MRPL45: variants seen among roughly 807,000 people sequenced by gnomAD.
MRPL45 encodes mitochondrial ribosomal protein L45.
Under a neutral mutation model 38.1 loss-of-function variants are expected in MRPL45, and 20 were observed. The observed-to-expected ratio is 0.53, with a 90% confidence interval of 0.37 to 0.76. The LOEUF is 0.76. Among genes scored for constraint, MRPL45 ranks in the 30% least tolerant of loss-of-function variants. The pLI is 0.00. For missense variants in MRPL45, 337 were observed against 395.6 expected (o/e 0.85, Z 1.26); for synonymous variants, 105 against 128.8 (o/e 0.82, Z 1.25).
intron 4 of MRPL45, among the ~76,000 whole-genome samples, chr17:38,312,393 T>C (rs2037121739): frequency 6.6e-6 from 1 of 152,170 alleles, no homozygotes; most frequent in Non-Finnish European, 1.5e-5. Context: ...TGTATGTATA[T>C]ACACCACATT....
chr17:38,317,592 G>A (rs922717330), intron 4 of MRPL45, among the ~76,000 whole-genome samples: 4 of 151,508 alleles, frequency 2.6e-5, no homozygotes, highest in Non-Finnish European at 1.5e-5. Flanking sequence ...TTTTTTTTGA[G>A]ACGGAATCTC....
intron 6 of MRPL45, among the ~76,000 whole-genome samples, chr17:38,321,110 G>A (rs1258502671): frequency 6.6e-6 from 1 of 152,036 alleles, no homozygotes; most frequent in African/African-American, 2.4e-5. Flanking sequence ...CAAGTAGCTG[G>A]GACTACAGGG....
intron 4 of MRPL45, among the ~76,000 whole-genome samples, chr17:38,313,333 C>CGTATATATATATATATATACGT (rs1230995888): frequency 2.9e-4 from 5 of 17,254 alleles, no homozygotes; most frequent in Non-Finnish European, 4.2e-4. Flanking sequence ...TATATATATA[C>CGTATATATATATATATATACGT]ATATATATAT....
chr17:38,322,007 G>C, intron 6 of MRPL45, 119 bp from the exon 7 acceptor site: 3 of 1,033,058 alleles, frequency 2.9e-6, no homozygotes, highest in Non-Finnish European at 4.3e-6. Context: ...ACTCCAGCCA[G>C]GGCAACAGAG....
At chr17:38,321,732 A>G (rs2037231490) in intron 6 of MRPL45, among the ~76,000 whole-genome samples, 1 of 151,072 alleles carries the variant, frequency 6.6e-6, no homozygotes, top group African/African-American at 2.4e-5. Flanking sequence ...GGTGGTTTCA[A>G]AAATGGTTGT....
chr17:38,320,822 C>T, intron 6 of MRPL45, 55 bp downstream of exon 6: 2 of 1,586,634 alleles, frequency 1.3e-6, no homozygotes, highest in Admixed American at 1.7e-5. Context: ...AGCTTGGGCA[C>T]CTCCCTCTGG....
At chr17:38,308,649 A>G (rs966528199) in intron 4 of MRPL45, among the ~76,000 whole-genome samples, 2 of 151,546 alleles carry the variant, frequency 1.3e-5, no homozygotes, top group Non-Finnish European at 2.9e-5. Context: ...CATGTTGGCC[A>G]GGCTGGTCTT....
At chr17:38,318,150 G>A (rs1398523899) in intron 4 of MRPL45, among the ~76,000 whole-genome samples, 1 of 142,812 alleles carries the variant, frequency 7.0e-6, no homozygotes, top group Non-Finnish European at 1.5e-5. Context: ...GGAGGTTGCA[G>A]TGAGCCGAGA....
chr17:38,315,728 C>T (rs1397852818), intron 4 of MRPL45, among the ~76,000 whole-genome samples: 4 of 150,224 alleles, frequency 2.7e-5, no homozygotes, highest in Non-Finnish European at 5.9e-5. Flanking sequence ...TGTCTGCAGC[C>T]ATTATTTCTT....
At chr17:38,322,065 AAAC>A (rs1316430807) in intron 6 of MRPL45, 58 bp from the exon 7 acceptor site, 2 of 1,546,034 alleles carry the variant, frequency 1.3e-6, no homozygotes, top group Non-Finnish European at 8.8e-7. Context: ...GCAATAAAAC[AAAC>A]AACTCACACT....
chr17:38,319,744 G>A (rs1430421930), intron 5 of MRPL45, among the ~76,000 whole-genome samples: 1 of 152,198 alleles, frequency 6.6e-6, no homozygotes, highest in Non-Finnish European at 1.5e-5. Flanking sequence ...GTGGTAACAG[G>A]AGTGTGAAGC....
intron 5 of MRPL45, 39 bp downstream of exon 5, chr17:38,318,774 G>A (rs749990775): frequency 2.1e-6 from 3 of 1,429,590 alleles, no homozygotes; most frequent in Non-Finnish European, 3.0e-6. Flanking sequence ...GGGTGACTGA[G>A]TGGGCAGATT....
intron 3 of MRPL45, among the ~76,000 whole-genome samples, chr17:38,302,498 A>G (rs1346020594): frequency 2.1e-5 from 3 of 146,050 alleles, no homozygotes; most frequent in African/African-American, 7.8e-5. Flanking sequence ...AAAAAAAAAA[A>G]AAAAAAAGTT....
chr17:38,322,573 C>T lies in MRPL45; in HGVS notation c.899C>T (p.Ala300Val). The T allele has an allele frequency of 6.2e-7, 1 of 1,613,144 alleles. No individual in the cohort carries two copies. The highest frequency in any genetic ancestry group is 8.5e-7 in the Non-Finnish European group (1 of 1,179,778). The change falls in exon 8 of 8, where the codon GCC becomes GTC. Residue 300 changes from alanine (A) to valine (V), a missense_variant. Transcript: ENST00000613675. The part of the protein sequence containing the change: ...EEEYEEAQGE[A>V]QKPQLA ...GAATATGAAGAGGCACAAGGAGAGG[C>T]CCAGAAGCCTCAGCTAGCCTGATGA...
chr17:38,303,290 ATT>A lies in MRPL45; in HGVS notation c.363-3219_363-3218del, dbSNP rs776250748. On this transcript the variant is annotated intron_variant, in intron 3 of 7. Transcript: ENST00000613675. ...CCTCTCTGTGCATTCAAAACATTAAATTTTTTTTTTTTTTTTTTTTTTTTTGA... is the reference window on the plus strand; with the variant it reads ...CCTCTCTGTGCATTCAAAACATTAAATTTTTTTTTTTTTTTTTTTTTTTGA... 9.5e-3 allele frequency among the ~76,000 whole-genome samples: 986 copies of A among 103,310 alleles called. 5 individuals are homozygous for A. The highest frequency in any genetic ancestry group is 0.038 in the African/African-American group (918 of 24,008). 67.8% of individuals were successfully genotyped at this position (103,310 alleles called of 152,430 possible). A position where few individuals can be genotyped will look rare whatever the true frequency, so the allele number is the denominator to read the frequency against.
At position 38,322,498 on chromosome 17, in the gene MRPL45, T is replaced by C. The variant is rs1412831207; in HGVS notation, c.835-11T>C. 6.2e-7 allele frequency: 1 copy of C among 1,612,374 alleles called. No individual in the cohort carries two copies. The highest frequency in any genetic ancestry group is 1.3e-5 in the African/African-American group (1 of 74,870). On this transcript the variant is annotated splice_polypyrimidine_tract_variant and intron_variant, in intron 7 of 7. Coordinates refer to ENST00000613675, the MANE Select transcript of MRPL45 (RefSeq NM_032351.6). ...TTGGTTGGTGGGTAACCTGGCGTCC[T>C]ACTCTTTCAGACGGTGATGATCCCT... is the stretch of plus-strand genomic sequence containing the variant.
intron 4 of MRPL45, among the ~76,000 whole-genome samples, chr17:38,313,646 C>T (rs866621630): frequency 6.0e-5 from 9 of 150,468 alleles, no homozygotes; most frequent in African/African-American, 2.0e-4. Context: ...GCCTTTTGTA[C>T]GTCTTCTTTG....
chr17:38,301,638 C>T (rs2036996908), intron 3 of MRPL45, among the ~76,000 whole-genome samples: 1 of 152,206 alleles, frequency 6.6e-6, no homozygotes, highest in South Asian at 2.1e-4. Flanking sequence ...ATACTCTGTA[C>T]TGCAATGTTT....
chr17:38,313,317 T>TATATAC (rs2037136658), intron 4 of MRPL45, among the ~76,000 whole-genome samples: 2 of 35,504 alleles, frequency 5.6e-5, no homozygotes, highest in African/African-American at 3.5e-4. Flanking sequence ...AAAAAATATA[T>TATATAC]ATATATATAT....
Sources: gnomAD v4.1 joint callset for allele counts (sites outside exome capture counted in the v4.1 genomes callset) on GRCh38, gnomAD v4.1.1 for gene constraint, MANE v1.5 for transcripts, NCBI Gene and HGNC (gene_info 2026-07-23, HGNC 2026-07-21) for gene names.